CSPP1: variants seen among roughly 807,000 people sequenced by gnomAD.
CSPP1 encodes the protein centrosome and spindle pole associated protein 1, also known as centrosome and spindle pole-associated protein 1.
In CSPP1, 126 loss-of-function variants were observed where a neutral mutation model predicts 164.4. The observed-to-expected ratio is 0.77, with a 90% CI of 0.66 to 0.89. The LOEUF is 0.89. CSPP1 is among the 40% of genes least tolerant of loss of function. The probability of loss-of-function intolerance (pLI) is 0.00; values close to 1 mark genes in which losing one functional copy is unlikely to be tolerated. For synonymous variants in CSPP1, 472 were observed against 476.7 expected (o/e 0.99, Z 0.13); for missense variants, 1,395 against 1,449.8 (o/e 0.96, Z 0.61).
intron 28 of CSPP1, among the ~76,000 whole-genome samples, chr8:67,184,715 TTCTG>T (rs1337893364): frequency 2.1e-5 from 3 of 145,122 alleles, no homozygotes; most frequent in Admixed American, 6.9e-5. Context: ...CAGAGTGAGA[TTCTG>T]TCTAAAAAAA....
chr8:67,167,718 C>T (rs1829698473), intron 24 of CSPP1, among the ~76,000 whole-genome samples: 6 of 149,900 alleles, frequency 4.0e-5, no homozygotes, highest in Admixed American at 3.3e-4. Context: ...GGCAGAGGCG[C>T]TCCCCACATC....
intron 17 of CSPP1, among the ~76,000 whole-genome samples, chr8:67,142,785 G>T (rs189493047): frequency 4.0e-4 from 61 of 152,306 alleles, no homozygotes; most frequent in African/African-American, 1.4e-3. Flanking sequence ...TATCAGAAAA[G>T]TATGAGGTTT....
chr8:67,183,842 A>ATT (rs1833643647), intron 28 of CSPP1, among the ~76,000 whole-genome samples: 2 of 141,066 alleles, frequency 1.4e-5, no homozygotes, highest in African/African-American at 5.6e-5. Context: ...AAAAATTGGG[A>ATT]ATTTTTTTTT....
At chr8:67,067,504 C>T (rs758317759) in intron 1 of CSPP1, among the ~76,000 whole-genome samples, 1 of 151,920 alleles carries the variant, frequency 6.6e-6, no homozygotes, top group Non-Finnish European at 1.5e-5. Context: ...CGCTCTGTCA[C>T]CTAGGCTGGA....
chr8:67,076,577 C>T lies in CSPP1; in HGVS notation c.195C>T (p.Ser65=). The change falls in exon 3 of 31, where the codon TCC becomes TCT. Residue 65 remains serine (S), a synonymous_variant. Transcript: ENST00000678616. ...CAAATAGTCAACAGACCAGGGGTTCCTTAGGTATGTCATTAGATGTGCTAA... is the reference window on the plus strand; with the variant it reads ...CAAATAGTCAACAGACCAGGGGTTCTTTAGGTATGTCATTAGATGTGCTAA... ...IPPNSQQTRG[S]LGIDYGLSLP... 1 of 1,565,922 alleles carries T rather than the reference C, an allele frequency of 6.4e-7. No individual in the cohort carries two copies. The highest frequency in any genetic ancestry group is 8.7e-7 in the Non-Finnish European group (1 of 1,146,218).
At chr8:67,167,175 C>G (rs1473839481) in intron 24 of CSPP1, among the ~76,000 whole-genome samples, 1 of 152,254 alleles carries the variant, frequency 6.6e-6, no homozygotes, top group Non-Finnish European at 1.5e-5. Context: ...CCCCACATTT[C>G]CCCCTTTTCT....
chr8:67,136,959 T>C (rs1822436812), intron 16 of CSPP1, among the ~76,000 whole-genome samples: 1 of 151,994 alleles, frequency 6.6e-6, no homozygotes, highest in South Asian at 2.1e-4. Context: ...CTATGTATTC[T>C]AGCCATTGAA....
At chr8:67,116,347 T>C (rs1817928905) in intron 13 of CSPP1, among the ~76,000 whole-genome samples, 1 of 152,252 alleles carries the variant, frequency 6.6e-6, no homozygotes, top group African/African-American at 2.4e-5. Flanking sequence ...ATCTTTAGAA[T>C]GAATTACTAA....
At chr8:67,124,120 C>T (rs907135170) in intron 15 of CSPP1, among the ~76,000 whole-genome samples, 31 of 151,952 alleles carry the variant, frequency 2.0e-4, no homozygotes, top group African/African-American at 7.5e-4. Context: ...AGGATGGTCT[C>T]GATCTCCTGA....
intron 18 of CSPP1, among the ~76,000 whole-genome samples, chr8:67,152,430 T>C (rs1422831714): frequency 6.6e-6 from 1 of 152,216 alleles, no homozygotes; most frequent in Non-Finnish European, 1.5e-5. Flanking sequence ...CTATGGCTTA[T>C]GAAGTCTAAT....
intron 21 of CSPP1, among the ~76,000 whole-genome samples, chr8:67,160,423 C>T (rs760512959): frequency 6.1e-5 from 9 of 148,714 alleles, no homozygotes; most frequent in Non-Finnish European, 1.2e-4. Context: ...CGTGACTGCA[C>T]TGTGGCACTC....
intron 7 of CSPP1, among the ~76,000 whole-genome samples, chr8:67,099,778 G>C (rs1258885889): frequency 3.3e-5 from 5 of 152,036 alleles, no homozygotes; most frequent in African/African-American, 1.2e-4. Context: ...AAATATAAAG[G>C]CCAATTTAGT....
chr8:67,065,253 T>A (rs1805304283), intron 1 of CSPP1, among the ~76,000 whole-genome samples: 1 of 152,156 alleles, frequency 6.6e-6, no homozygotes, highest in Non-Finnish European at 1.5e-5. Context: ...ACTGCCTTGA[T>A]TTTAGGAATC....
At chr8:67,175,593 A>G in intron 26 of CSPP1, 157 bp downstream of exon 26, 1 of 825,042 alleles carries the variant, frequency 1.2e-6, no homozygotes, top group Non-Finnish European at 2.0e-6. Flanking sequence ...AGAAAAGAAC[A>G]AGTATGAGAG....
intron 14 of CSPP1, 22 bp from the exon 15 acceptor site, chr8:67,118,721 G>A: frequency 2.6e-6 from 4 of 1,536,980 alleles, no homozygotes; most frequent in Non-Finnish European, 3.5e-6. Flanking sequence ...AACTTTTTTT[G>A]TTTTTTTGTT....
chr8:67,064,519 T>A lies in CSPP1; in HGVS notation c.-30T>A, dbSNP rs114350375. On this transcript the variant is annotated 5_prime_UTR_variant, in exon 1 of 31. It removes an upstream start codon present in the reference 5' UTR. Coordinates refer to ENST00000678616, the MANE Select transcript of CSPP1 (RefSeq NM_001382391.1). Reference sequence around the variant, plus strand: ...TGAGTAAGAGTCAGCCAGCCGCGGATGGGGAGCGTGAGTGGCGAGGTGTGG... The same window carrying A: ...TGAGTAAGAGTCAGCCAGCCGCGGAAGGGGAGCGTGAGTGGCGAGGTGTGG... The A allele has an allele frequency of 0.037, 59,316 of 1,611,790 alleles. 2,561 individuals carry two copies. The highest frequency in any genetic ancestry group is 0.22 in the African/African-American group (16,155 of 74,944).
At chr8:67,185,179 G>A (rs549474072) in intron 28 of CSPP1, among the ~76,000 whole-genome samples, 29 of 151,994 alleles carry the variant, frequency 1.9e-4, no homozygotes, top group African/African-American at 5.5e-4. Flanking sequence ...GTGTGATTCC[G>A]TTCTGCATGG....
chr8:67,111,397 A>T (rs1205787961), intron 9 of CSPP1, among the ~76,000 whole-genome samples: 1 of 152,062 alleles, frequency 6.6e-6, no homozygotes, highest in Non-Finnish European at 1.5e-5. Context: ...GGGAGAAGGG[A>T]GTTGGGAAGA....
At chr8:67,159,920 C>CTT (rs1361111659) in intron 21 of CSPP1, among the ~76,000 whole-genome samples, 2 of 51,294 alleles carry the variant, frequency 3.9e-5, no homozygotes, top group South Asian at 1.6e-3. Context: ...TTCTTTCTTT[C>CTT]TTTCCTTTCC....
Sources: allele counts gnomAD v4.1 joint callset (sites outside exome capture counted in the v4.1 genomes callset), GRCh38; gene constraint gnomAD v4.1.1; transcripts MANE v1.5; gene names NCBI Gene and HGNC (gene_info 2026-07-23, HGNC 2026-07-21).